EIF2AK4: variants seen among roughly 807,000 people sequenced by gnomAD.
EIF2AK4 encodes the protein eukaryotic translation initiation factor 2 alpha kinase 4.
In EIF2AK4, 139 loss-of-function variants were observed where a neutral mutation model predicts 211.1. That is an observed-to-expected ratio of 0.66 (90% CI 0.57 to 0.76). The LOEUF (loss-of-function observed/expected upper bound fraction) is 0.76. Among genes scored for constraint, EIF2AK4 ranks in the 30% least tolerant of loss-of-function variants. EIF2AK4 has a pLI of 0.00. For missense variants in EIF2AK4, 1,664 were observed against 2,043.8 expected, an observed-to-expected ratio of 0.81 and a Z score of 3.58; for synonymous variants, 710 against 751.3, an observed-to-expected ratio of 0.94 and a Z score of 0.90.
chr15:39,951,201 G>A (rs1363971560), intron 4 of EIF2AK4, among the ~76,000 whole-genome samples: 11 of 152,072 alleles, frequency 7.2e-5, no homozygotes, highest in Admixed American at 7.2e-4. Flanking sequence ...TTGTTTGTTT[G>A]TTTTTGAGAC....
At chr15:39,974,634 A>C (rs1185840382) in intron 11 of EIF2AK4, 1 of 152,268 alleles carries the variant, frequency 6.6e-6, no homozygotes, top group Non-Finnish European at 1.5e-5. Flanking sequence ...TCCCTTTAAC[A>C]CAATATCATT....
At chr15:40,016,721 T>A in intron 28 of EIF2AK4, 49 bp downstream of exon 28, 2 of 1,585,274 alleles carry the variant, frequency 1.3e-6, no homozygotes, top group Non-Finnish European at 1.7e-6. Context: ...GCATTACTAA[T>A]AGCACAGGGA....
chr15:39,954,325 C>T (rs1425742510), intron 5 of EIF2AK4, among the ~76,000 whole-genome samples: 1 of 152,086 alleles, frequency 6.6e-6, no homozygotes, highest in Admixed American at 6.5e-5. Flanking sequence ...TGATCTCAGC[C>T]CACTGTAACC....
At chr15:40,003,084 C>T in intron 22 of EIF2AK4, 109 bp from the exon 23 acceptor site, 2 of 1,470,012 alleles carry the variant, frequency 1.4e-6, no homozygotes, top group Non-Finnish European at 1.8e-6. Context: ...GATATGACTT[C>T]AATGGTCCCA....
intron 9 of EIF2AK4, 110 bp downstream of exon 9, chr15:39,967,989 A>T (rs1047657473): frequency 1.1e-5 from 12 of 1,137,478 alleles, no homozygotes; most frequent in Middle Eastern, 2.8e-4. Flanking sequence ...GAGGAACAGG[A>T]CTTCATTCTT....
intron 9 of EIF2AK4, among the ~76,000 whole-genome samples, chr15:39,968,790 G>A (rs1052647492): frequency 6.6e-6 from 1 of 151,738 alleles, no homozygotes; most frequent in Non-Finnish European, 1.5e-5. Context: ...ACATTGTTAT[G>A]CTCTGTCACT....
chr15:40,026,048 G>C lies in EIF2AK4; in HGVS notation c.4461G>C (p.Leu1487=), dbSNP rs761167421. ...AGACTGAACTTGTGGACCATGTACT[G>C]CAGAAACTGAGGACTAAAGTCACTG... ...VLETELVDHV[L]QKLRTKVTDE... is the part of the protein sequence containing the mutation. The change falls in exon 33 of 39, where the codon CTG becomes CTC. Residue 1487 remains leucine, a synonymous_variant. Transcript: ENST00000263791. 6.2e-7 allele frequency: 1 copy of C among 1,614,160 alleles called. No individual in the cohort carries two copies. Among genetic ancestry groups the C allele is most frequent in the Non-Finnish European group, 8.5e-7 (1 of 1,180,010 alleles).
rs1595552142 is a variant in EIF2AK4, at chr15:39,967,441, C to T, written c.1115C>T (p.Ser372Phe). ...ATGAATCTCAAAGAGCAAGACGACT[C>T]CATCGTGGTGGACATTTTAGTGGAG... ...LAMNLKEQDD[S>F]IVVDILVEHI... The change falls in exon 9 of 39, where the codon TCC becomes TTC. Residue 372 changes from serine to phenylalanine, a missense_variant. Physicochemically the swap from Ser to Phe is radical, Grantham distance 155 (BLOSUM62 -2). This residue lies in a region of EIF2AK4 where 641 missense variants were observed against 729.6 expected (regional missense o/e 0.88). Transcript: ENST00000263791. The T allele has an allele frequency of 6.2e-7, 1 of 1,613,818 alleles. No homozygotes were observed. Among genetic ancestry groups the T allele is most frequent in the Non-Finnish European group, 8.5e-7 (1 of 1,180,008 alleles).
chr15:40,003,150 A>T, intron 22 of EIF2AK4, 43 bp from the exon 23 acceptor site: 2 of 1,607,700 alleles, frequency 1.2e-6, no homozygotes, highest in Non-Finnish European at 1.7e-6. Context: ...TTCTAAGGAG[A>T]ATGTGAACCT....
In EIF2AK4 at chr15:39,949,140, C is replaced by A. The variant is rs199764471; in HGVS notation, c.385C>A (p.His129Asn). 3.5e-5 allele frequency: 56 copies of A among 1,613,796 alleles called. No individual in the cohort carries two copies. The highest frequency in any genetic ancestry group is 4.7e-5 in the Non-Finnish European group (56 of 1,179,960). Residue 129 changes from histidine to asparagine, a missense_variant, in exon 4 of 39, where the codon CAC becomes AAC. Transcript: ENST00000263791. The part of the protein sequence containing the change: ...GEVMIFELAY[H>N]VQSFLSEHNK... ...GGTGATGATCTTTGAACTGGCTTAC[C>A]ACGTGCAGTCATTTCTCAGCGAGCA...
At chr15:39,988,435 T>TA (rs894254343) in intron 15 of EIF2AK4, among the ~76,000 whole-genome samples, 1 of 152,348 alleles carries the variant, frequency 6.6e-6, no homozygotes, top group Admixed American at 6.5e-5. Context: ...TAAATGGTTG[T>TA]AAAAAATTAG....
chr15:39,942,822 A>C (rs2034165532), intron 2 of EIF2AK4, among the ~76,000 whole-genome samples: 1 of 152,218 alleles, frequency 6.6e-6, no homozygotes, highest in Non-Finnish European at 1.5e-5. Context: ...TTGTGGGAAT[A>C]CTAGAGGGAT....
intron 10 of EIF2AK4, among the ~76,000 whole-genome samples, chr15:39,973,272 A>G (rs2034649556): frequency 6.6e-6 from 1 of 152,092 alleles, no homozygotes; most frequent in South Asian, 2.1e-4. Flanking sequence ...ATGTAACTAG[A>G]TTTTTCCTGC....
At chr15:39,950,624 A>ATAGTGAATGGGTG (rs2034295292) in intron 4 of EIF2AK4, among the ~76,000 whole-genome samples, 1 of 151,920 alleles carries the variant, frequency 6.6e-6, no homozygotes. Flanking sequence ...AAAGAAAAAT[A>ATAGTGAATGGGTG]TAGTGAATGG....
intron 21 of EIF2AK4, chr15:40,002,512 T>A: frequency 3.9e-6 from 2 of 518,210 alleles, no homozygotes; most frequent in Non-Finnish European, 6.9e-6. Flanking sequence ...GGTTGAAAGG[T>A]TAGCTCTTGC....
chr15:39,996,377 A>C (rs1014420677), intron 18 of EIF2AK4, among the ~76,000 whole-genome samples: 4 of 152,154 alleles, frequency 2.6e-5, no homozygotes, highest in African/African-American at 9.7e-5. Flanking sequence ...GTGGTTTTCT[A>C]TGTCTGTGGA....
chr15:39,968,384 G>A (rs2034574407), intron 9 of EIF2AK4, among the ~76,000 whole-genome samples: 2 of 152,220 alleles, frequency 1.3e-5, no homozygotes, highest in African/African-American at 2.4e-5. Context: ...AATCACAGGT[G>A]CATGTTTAAT....
Position 39,967,733 on chromosome 15 carries a change from T to C in EIF2AK4, c.1407T>C (p.Asn469=), listed in dbSNP as rs2034565335. Residue 469 remains asparagine (N), a synonymous_variant, in exon 9 of 39, where the codon AAT becomes AAC. Coordinates refer to ENST00000263791, the MANE Select transcript of EIF2AK4 (RefSeq NM_001013703.4). ...AAACCCGAGTTCGTTTTAGTGACAA[T>C]GCTCTGCCTTATAAAACGGGGAAGA... is the stretch of plus-strand genomic sequence containing the variant. ...FEQTRVRFSD[N]ALPYKTGKKG... 1 of 1,614,212 alleles carries C rather than the reference T, an allele frequency of 6.2e-7. No individual in the cohort carries two copies.
intron 5 of EIF2AK4, among the ~76,000 whole-genome samples, chr15:39,954,801 T>G (rs942995477): frequency 3.3e-5 from 5 of 152,162 alleles, no homozygotes; most frequent in African/African-American, 1.2e-4. Context: ...CTCTTTTACA[T>G]AAATTAGAGC....
Sources: allele counts gnomAD v4.1 joint callset (sites outside exome capture counted in the v4.1 genomes callset), GRCh38; gene constraint gnomAD v4.1.1; regional missense constraint gnomAD v4.1.1; transcripts MANE v1.5; gene names NCBI Gene and HGNC (gene_info 2026-07-23, HGNC 2026-07-21).